The following C7orf57 variants were observed in gnomAD, a reference collection of about 807,000 sequenced individuals.
C7orf57 encodes the protein uncharacterized protein C7orf57.
In C7orf57, 33 loss-of-function variants were observed where a neutral mutation model predicts 39.0. The observed-to-expected ratio is 0.85, with a 90% CI of 0.64 to 1.13. C7orf57 has a LOEUF of 1.13. Among genes scored for constraint, C7orf57 ranks in the 50% most tolerant of loss-of-function variants. The pLI, the probability that C7orf57 is intolerant of heterozygous loss-of-function variation, is 0.00. For missense variants in C7orf57, 346 were observed against 362.3 expected (o/e 0.95, Z 0.37); for synonymous variants, 124 against 137.1 (o/e 0.90, Z 0.67).
At chr7:48,045,141 G>A (rs1189031748) in intron 4 of C7orf57, among the ~76,000 whole-genome samples, 1 of 152,192 alleles carries the variant, frequency 6.6e-6, no homozygotes, top group East Asian at 1.9e-4. Flanking sequence ...CTGGGACCTT[G>A]TCCTCCTCTG....
chr7:48,042,875 C>T (rs117386651), intron 3 of C7orf57, among the ~76,000 whole-genome samples: 22 of 152,152 alleles, frequency 1.4e-4, no homozygotes, highest in Non-Finnish European at 2.9e-4. Flanking sequence ...TGGGTGAGTC[C>T]GGAGCTGGCC....
In C7orf57 at chr7:48,046,575, T is replaced by G; in HGVS notation, c.466T>G (p.Trp156Gly). The change falls in exon 5 of 9, where the codon TGG becomes GGG. Residue 156 changes from tryptophan to glycine, a missense_variant. By Grantham distance (184) the Trp-to-Gly change is radical. Transcript: ENST00000348904. ...GPFDFDMKTV[W>G]QREAEELEKE... Reference sequence around the variant, plus strand: ...CTTCGACTTCGACATGAAAACAGTTTGGCAAAGAGAGGCTGAGGAACTTGA... The same window carrying G: ...CTTCGACTTCGACATGAAAACAGTTGGGCAAAGAGAGGCTGAGGAACTTGA... 3 of 1,613,710 alleles carry G rather than the reference T, an allele frequency of 1.9e-6. No individual in the cohort carries two copies. Among genetic ancestry groups the G allele is most frequent in the Non-Finnish European group, 2.5e-6 (3 of 1,179,764 alleles).
chr7:48,052,189 G>A (rs927249725), intron 6 of C7orf57, among the ~76,000 whole-genome samples: 1 of 151,906 alleles, frequency 6.6e-6, no homozygotes, highest in Non-Finnish European at 1.5e-5. Context: ...GACCAGGATG[G>A]CCTCGATCTC....
chr7:48,046,545 G>A lies in C7orf57; in HGVS notation c.436G>A (p.Gly146Arg). The change falls in exon 5 of 9, where the codon GGG (glycine) becomes AGG (arginine). Residue 146 changes from glycine to arginine, a missense_variant. By Grantham distance (125) the Gly-to-Arg change is moderately radical. Transcript: ENST00000348904. ...CAATGGTAGCTATGCATCCAGAAGAGGGCCCTTCGACTTCGACATGAAAAC... is the reference window on the plus strand; with the variant it reads ...CAATGGTAGCTATGCATCCAGAAGAAGGCCCTTCGACTTCGACATGAAAAC... ...QANGSYASRR[G>R]PFDFDMKTVW... 6.2e-7 allele frequency: 1 copy of A among 1,613,942 alleles called. No homozygotes were observed. The highest frequency in any genetic ancestry group is 8.5e-7 in the Non-Finnish European group (1 of 1,179,844).
chr7:48,051,397 C>T lies in C7orf57; in HGVS notation c.606-1303C>T, dbSNP rs568894571. 4.1e-5 allele frequency among the ~76,000 whole-genome samples: 6 copies of T among 145,730 alleles called. No homozygotes were observed. In the South Asian group the frequency reaches 1.3e-3, roughly 32 times the overall value. On this transcript the variant is annotated intron_variant, in intron 6 of 8. Transcript: ENST00000348904. ...ACAGAGTCTCACTCTGTCCCCCAGG[C>T]TGGAGTGCAGCGGCGCAATCTTGGC...
At chr7:48,054,863 TGA>T in intron 8 of C7orf57, among the ~76,000 whole-genome samples, 1 of 151,498 alleles carries the variant, frequency 6.6e-6, no homozygotes, top group East Asian at 1.9e-4. Flanking sequence ...ATGATGATGA[TGA>T]TGATTATTAT....
chr7:48,036,175 C>T, intron 1 of C7orf57, 33 bp from the exon 2 acceptor site: 2 of 901,860 alleles, frequency 2.2e-6, no homozygotes, highest in East Asian at 5.3e-5. Flanking sequence ...TACAGACCGA[C>T]CCAGAGCGGG....
At chr7:48,056,805 A>G (rs758885135) in intron 8 of C7orf57, among the ~76,000 whole-genome samples, 1 of 152,140 alleles carries the variant, frequency 6.6e-6, no homozygotes, top group African/African-American at 2.4e-5. Flanking sequence ...TGATTTTAGT[A>G]TATTAAATGA....
At chr7:48,043,095 C>T (rs900888882) in intron 3 of C7orf57, among the ~76,000 whole-genome samples, 10 of 152,240 alleles carry the variant, frequency 6.6e-5, no homozygotes, top group Non-Finnish European at 1.2e-4. Context: ...GCTAGGAGAA[C>T]GGTGTGGGGG....
At chr7:48,041,547 T>C (rs772935424) in intron 3 of C7orf57, 28 bp downstream of exon 3, 1 of 1,531,452 alleles carries the variant, frequency 6.5e-7, no homozygotes. Context: ...CTGTTCAGTG[T>C]GGCAGCCTCG....
intron 7 of C7orf57, 159 bp downstream of exon 7, chr7:48,053,082 A>C: frequency 1.4e-6 from 1 of 709,782 alleles, no homozygotes. Context: ...GATAAGCAAG[A>C]GAGTAATACA....
intron 5 of C7orf57, among the ~76,000 whole-genome samples, chr7:48,046,819 A>G (rs919765262): frequency 6.6e-6 from 1 of 152,204 alleles, no homozygotes; most frequent in Non-Finnish European, 1.5e-5. Flanking sequence ...ATGAATAATG[A>G]CTTTAAGAGG....
chr7:48,051,496 TG>T (rs773013752), intron 6 of C7orf57, among the ~76,000 whole-genome samples: 1 of 150,986 alleles, frequency 6.6e-6, no homozygotes, highest in Non-Finnish European at 1.5e-5. Context: ...GACTACTGTG[TG>T]GGCTAATTTT....
At position 48,054,617 on chromosome 7, in the gene C7orf57, A is replaced by T. The variant is rs574855017; in HGVS notation, c.841+11A>T. 8.5e-5 allele frequency: 132 copies of T among 1,549,084 alleles called. No homozygotes were observed. The highest frequency in any genetic ancestry group is 2.9e-4 in the Admixed American group (15 of 50,976). ...CAGAGTCTTCTCAAAGTGAGTACTT[A>T]TAAAGTAACCAGCACCAAAACACAA... On this transcript the variant is annotated intron_variant, in intron 8 of 8. Coordinates refer to ENST00000348904, the MANE Select transcript of C7orf57 (RefSeq NM_001100159.3).
intron 3 of C7orf57, among the ~76,000 whole-genome samples, 184 bp from the exon 4 acceptor site, chr7:48,043,297 G>T (rs766960524): frequency 1.3e-5 from 2 of 152,164 alleles, no homozygotes; most frequent in South Asian, 2.1e-4. Context: ...AAAGCAGGAC[G>T]CCCACCTGTC....
At chr7:48,043,416 G>T in intron 3 of C7orf57, 65 bp from the exon 4 acceptor site, 1 of 1,214,988 alleles carries the variant, frequency 8.2e-7, no homozygotes, top group Non-Finnish European at 1.2e-6. Context: ...CCTATCACTG[G>T]CAATGCTGTG....
chr7:48,044,263 A>G (rs548960448), intron 4 of C7orf57, among the ~76,000 whole-genome samples: 3 of 152,152 alleles, frequency 2.0e-5, no homozygotes, highest in Non-Finnish European at 2.9e-5. Flanking sequence ...TGTGAGTGAA[A>G]GCTCAGCTCA....
At position 48,060,352 on chromosome 7, in the gene C7orf57, CT is replaced by C. The variant is rs1032408797; in HGVS notation, c.*87del. 3.6e-5 allele frequency: 32 copies of C among 888,490 alleles called. No individual in the cohort carries two copies. Among genetic ancestry groups the C allele is most frequent in the African/African-American group, 2.1e-4 (12 of 58,252 alleles). 55.0% of individuals were successfully genotyped at this position (888,490 alleles called of 1,614,324 possible). A position where few individuals can be genotyped will look rare whatever the true frequency, so the allele number is the denominator to read the frequency against. The stretch of plus-strand genomic sequence containing the variant: ...CTGTATTATAGCTATATTTCTGAGG[CT>C]TTTTTTGTATTTTATTAATATAGAC... On this transcript the variant is annotated 3_prime_UTR_variant, in exon 9 of 9. Coordinates refer to ENST00000348904, the MANE Select transcript of C7orf57 (RefSeq NM_001100159.3).
intron 5 of C7orf57, among the ~76,000 whole-genome samples, chr7:48,047,529 T>C (rs865918815): frequency 6.6e-6 from 1 of 152,134 alleles, no homozygotes; most frequent in African/African-American, 2.4e-5. Context: ...CCCCTCAGTT[T>C]ATTTTGGGGA....
Sources: allele counts gnomAD v4.1 joint callset (sites outside exome capture counted in the v4.1 genomes callset), GRCh38; gene constraint gnomAD v4.1.1; transcripts MANE v1.5; gene names NCBI Gene and HGNC (gene_info 2026-07-23, HGNC 2026-07-21).